Variants in FTO observed in about 807,000 individuals in gnomAD.
FTO encodes alpha-ketoglutarate-dependent dioxygenase FTO.
In FTO, 47 loss-of-function variants were observed where a neutral mutation model predicts 63.9. The observed-to-expected ratio is 0.74, with a 90% CI of 0.58 to 0.94. The LOEUF (loss-of-function observed/expected upper bound fraction) is 0.94. FTO is among the 40% of genes least tolerant of loss of function. FTO has a pLI of 0.00. For synonymous variants in FTO, 207 were observed against 224.4 expected, an observed-to-expected ratio of 0.92 and a Z score of 0.69; for missense variants, 562 against 618.1, an observed-to-expected ratio of 0.91 and a Z score of 0.96.
chr16:54,061,611 G>GTT (rs2085576533), intron 8 of FTO: 1 of 103,222 alleles, frequency 9.7e-6, no homozygotes, highest in Middle Eastern at 4.9e-3. Context: ...GTGTTTGTGT[G>GTT]TGTGTGTGTG....
intron 1 of FTO, among the ~76,000 whole-genome samples, chr16:53,785,729 G>GTGAA (rs942471932): frequency 2.6e-5 from 4 of 151,960 alleles, no homozygotes; most frequent in African/African-American, 4.8e-5. Context: ...GACCAACATG[G>GTGAA]TGAAACCCGG....
At chr16:54,107,475 G>A (rs1206232071) in intron 8 of FTO, among the ~76,000 whole-genome samples, 1 of 152,154 alleles carries the variant, frequency 6.6e-6, no homozygotes, top group African/African-American at 2.4e-5. Context: ...TTTCTGGGCA[G>A]AAATTTGTCC....
At chr16:53,977,418 A>G (rs957448736) in intron 8 of FTO, among the ~76,000 whole-genome samples, 1 of 152,184 alleles carries the variant, frequency 6.6e-6, no homozygotes, top group Non-Finnish European at 1.5e-5. Context: ...ATATTTTTCT[A>G]TAGCAGTATT....
chr16:53,729,592 T>G (rs1385377128), intron 1 of FTO, among the ~76,000 whole-genome samples: 1 of 152,130 alleles, frequency 6.6e-6, no homozygotes, highest in Non-Finnish European at 1.5e-5. Flanking sequence ...AAATTCAGAC[T>G]CCTGGGCTTG....
rs1228851973 is a variant in FTO at position 53,826,220 on chromosome 16, A to G, written c.480A>G (p.Lys160=). The change falls in exon 3 of 9, where the codon AAA becomes AAG. Residue 160 remains lysine, a synonymous_variant. Coordinates refer to ENST00000471389, the MANE Select transcript of FTO (RefSeq NM_001080432.3). ...AGGCTTTGGAAGAACTTGCTGCCAA[A>G]GAGAAGGCTAATGAGGATGCTGTGC... is the stretch of plus-strand genomic sequence containing the variant. The part of the protein sequence containing the change: ...TIQALEELAA[K]EKANEDAVPL... 6.2e-7 allele frequency: 1 copy of G among 1,614,230 alleles called. No individual in the cohort carries two copies. The highest frequency in any genetic ancestry group is 8.5e-7 in the Non-Finnish European group (1 of 1,180,036).
At chr16:53,891,646 G>A (rs79155755) in intron 7 of FTO, among the ~76,000 whole-genome samples, 2,905 of 152,252 alleles carry the variant, frequency 0.019, 77 homozygotes, top group African/African-American at 0.06. Flanking sequence ...GGGTGACAGA[G>A]TGAGACCTTG....
Position 53,965,250 on chromosome 16 carries a change from AT to A in FTO, c.1364+31146del, listed in dbSNP as rs1274114371. ...CACCACGCCTGGCTTGTTTTTTTGT[AT>A]TTTTAGTAGAGACGGGGTTTCACCA... On this transcript the variant is annotated intron_variant, in intron 8 of 8. Transcript: ENST00000471389. 3.3e-5 allele frequency among the ~76,000 whole-genome samples: 5 copies of A among 151,938 alleles called. No homozygotes were observed. In the East Asian group the frequency reaches 9.7e-4, roughly 29 times the overall value.
At chr16:53,844,912 G>GTTT (rs57121366) in intron 4 of FTO, among the ~76,000 whole-genome samples, 3 of 147,096 alleles carry the variant, frequency 2.0e-5, no homozygotes, top group Non-Finnish European at 1.5e-5. Context: ...AGTAGTGAGA[G>GTTT]TTTTTTTTTT....
rs147050323 is a variant in FTO at position 53,913,483 on chromosome 16, T to C, written c.1240-20502T>C. Among the ~76,000 whole-genome samples the C allele has an allele frequency of 5.3e-5, 8 of 152,318 alleles. No individual in the cohort carries two copies. In the East Asian group the frequency reaches 1.5e-3, roughly 29 times the overall value. The stretch of plus-strand genomic sequence containing the variant: ...TGTAAATCTTGCAAACCATGTAGGT[T>C]TTCTGTTGGGGGCAACATCAAAGCC... On this transcript the variant is annotated intron_variant, in intron 7 of 8. Transcript: ENST00000471389.
At chr16:53,954,096 G>C (rs1404545479) in intron 8 of FTO, among the ~76,000 whole-genome samples, 1 of 152,152 alleles carries the variant, frequency 6.6e-6, no homozygotes, top group Non-Finnish European at 1.5e-5. Context: ...AGGAGTAGAT[G>C]TTCATAGATT....
At chr16:53,900,128 T>G (rs918828197) in intron 7 of FTO, among the ~76,000 whole-genome samples, 11 of 152,202 alleles carry the variant, frequency 7.2e-5, no homozygotes, top group African/African-American at 1.4e-4. Flanking sequence ...AGAATTCGAA[T>G]GCATATGGCA....
At chr16:54,005,395 A>T (rs1266381904) in intron 8 of FTO, among the ~76,000 whole-genome samples, 3 of 148,494 alleles carry the variant, frequency 2.0e-5, no homozygotes, top group Non-Finnish European at 4.5e-5. Flanking sequence ...ATATATTTTT[A>T]AAATATGTAA....
chr16:53,834,533 G>A (rs1278013285), intron 3 of FTO, among the ~76,000 whole-genome samples: 1 of 152,164 alleles, frequency 6.6e-6, no homozygotes, highest in Non-Finnish European at 1.5e-5. Flanking sequence ...GATCAGAGCT[G>A]TATCCACCTC....
chr16:53,983,812 G>A (rs1489532340), intron 8 of FTO, among the ~76,000 whole-genome samples: 1 of 152,224 alleles, frequency 6.6e-6, no homozygotes, highest in Non-Finnish European at 1.5e-5. Context: ...TGGGCCCACT[G>A]TTGTGTACGG....
intron 8 of FTO, among the ~76,000 whole-genome samples, chr16:54,015,768 A>T (rs74019534): frequency 6.6e-6 from 1 of 152,128 alleles, no homozygotes; most frequent in Non-Finnish European, 1.5e-5. Context: ...GTACTTTATT[A>T]TCTATCCCTG....
chr16:54,023,921 T>G (rs111738737), intron 8 of FTO, among the ~76,000 whole-genome samples: 1,954 of 152,328 alleles, frequency 0.013, 41 homozygotes, highest in African/African-American at 0.044. Flanking sequence ...TGTATCATGC[T>G]TTTTTATTTA....
intron 7 of FTO, among the ~76,000 whole-genome samples, chr16:53,904,104 A>G (rs74854505): frequency 0.018 from 2,705 of 152,126 alleles, 67 homozygotes; most frequent in African/African-American, 0.062. Context: ...ATACATATAC[A>G]TATATGTACA....
At position 54,113,661 on chromosome 16, in the gene FTO, T is replaced by C. The variant is rs946610897; in HGVS notation, c.*1746T>C. The stretch of plus-strand genomic sequence containing the variant: ...ACCAGGAGGGCGTGGTGTTTAAAAG[T>C]CACAGATGGGGCACCCTCGGGCCAT... On this transcript the variant is annotated 3_prime_UTR_variant, in exon 9 of 9. Coordinates refer to ENST00000471389, the MANE Select transcript of FTO (RefSeq NM_001080432.3). 2.6e-5 allele frequency: 4 copies of C among 152,178 alleles called. No homozygotes were observed. Among genetic ancestry groups the C allele is most frequent in the African/African-American group, 9.7e-5 (4 of 41,428 alleles). 9.4% of individuals were successfully genotyped at this position (152,178 alleles called of 1,614,324 possible).
At chr16:53,753,929 C>A (rs968857839) in intron 1 of FTO, among the ~76,000 whole-genome samples, 2 of 152,178 alleles carry the variant, frequency 1.3e-5, no homozygotes, top group African/African-American at 4.8e-5. Flanking sequence ...AGAGGCAGCT[C>A]CCACTGCACT....
Sources: allele counts gnomAD v4.1 joint callset (sites outside exome capture counted in the v4.1 genomes callset), GRCh38; gene constraint gnomAD v4.1.1; transcripts MANE v1.5; gene names NCBI Gene and HGNC (gene_info 2026-07-23, HGNC 2026-07-21).